FRMD4A: variants seen among roughly 807,000 people sequenced by gnomAD.
FRMD4A encodes the protein FERM domain-containing protein 4A.
In FRMD4A, 29 loss-of-function variants were observed where a neutral mutation model predicts 129.1. That is an observed-to-expected ratio of 0.22 (90% CI 0.17 to 0.31). The LOEUF (loss-of-function observed/expected upper bound fraction) is 0.31, where lower values mean the gene tolerates loss of function less well. Among genes scored for constraint, FRMD4A ranks in the 10% least tolerant of loss-of-function variants. FRMD4A has a pLI of 1.00. For missense variants in FRMD4A, 1,272 were observed against 1,375.8 expected (o/e 0.92, Z 1.19); for synonymous variants, 634 against 571.6 (o/e 1.11, Z -1.56).
At chr10:13,679,976 C>T (rs2084394563) in intron 15 of FRMD4A, among the ~76,000 whole-genome samples, 1 of 152,152 alleles carries the variant, frequency 6.6e-6, no homozygotes, top group African/African-American at 2.4e-5. Flanking sequence ...CCACAAATGC[C>T]CACTAGGCAT....
intron 2 of FRMD4A, among the ~76,000 whole-genome samples, chr10:14,287,063 G>C (rs151141723): frequency 6.6e-6 from 1 of 152,224 alleles, no homozygotes; most frequent in African/African-American, 2.4e-5. Flanking sequence ...TGCAAAGCAG[G>C]CAAAGTCTAT....
chr10:13,847,179 C>T (rs1049323959), intron 3 of FRMD4A, among the ~76,000 whole-genome samples: 9 of 152,254 alleles, frequency 5.9e-5, no homozygotes, highest in South Asian at 2.1e-4. Context: ...TGATGGGCTT[C>T]GGTTGCCATG....
At chr10:13,883,696 C>T (rs1295113174) in intron 2 of FRMD4A, among the ~76,000 whole-genome samples, 1 of 152,168 alleles carries the variant, frequency 6.6e-6, no homozygotes, top group Non-Finnish European at 1.5e-5. Context: ...GCCATATTTT[C>T]CACAATAAAG....
intron 2 of FRMD4A, among the ~76,000 whole-genome samples, chr10:14,014,936 C>A (rs1284779650): frequency 7.0e-6 from 1 of 142,862 alleles, no homozygotes; most frequent in Admixed American, 7.0e-5. Context: ...TTACTTCTTC[C>A]TTTCTTCTTC....
At chr10:14,226,372 A>C (rs753760339) in intron 2 of FRMD4A, among the ~76,000 whole-genome samples, 9 of 152,200 alleles carry the variant, frequency 5.9e-5, no homozygotes, top group Non-Finnish European at 1.0e-4. Context: ...CAAAGTTGAC[A>C]TGTTAAAAAT....
intron 2 of FRMD4A, among the ~76,000 whole-genome samples, chr10:13,898,595 A>T (rs1464113540): frequency 6.6e-6 from 1 of 152,224 alleles, no homozygotes; most frequent in Non-Finnish European, 1.5e-5. Context: ...CCAGGTTCTT[A>T]ACTCTAGGAT....
intron 16 of FRMD4A, among the ~76,000 whole-genome samples, chr10:13,674,403 G>A (rs1476779363): frequency 6.6e-6 from 1 of 152,138 alleles, no homozygotes; most frequent in African/African-American, 2.4e-5. Context: ...TTGTCGCTTG[G>A]ACTCCCATGG....
intron 2 of FRMD4A, among the ~76,000 whole-genome samples, chr10:13,914,147 G>A (rs1382948383): frequency 6.6e-6 from 1 of 152,244 alleles, no homozygotes; most frequent in Non-Finnish European, 1.5e-5. Flanking sequence ...AGGGATGCAT[G>A]TTGGCCTAAT....
intron 2 of FRMD4A, among the ~76,000 whole-genome samples, chr10:14,180,498 C>T (rs1428006411): frequency 6.6e-6 from 1 of 152,104 alleles, no homozygotes; most frequent in East Asian, 1.9e-4. Context: ...AACAGAAGAC[C>T]CAACCTCCAT....
intron 2 of FRMD4A, among the ~76,000 whole-genome samples, chr10:13,962,606 C>A (rs2095453025): frequency 1.3e-5 from 2 of 152,112 alleles, no homozygotes; most frequent in South Asian, 4.1e-4. Flanking sequence ...ACAAGAGACT[C>A]CCAAACAAAT....
At chr10:13,975,772 C>T (rs1262533392) in intron 2 of FRMD4A, among the ~76,000 whole-genome samples, 1 of 149,634 alleles carries the variant, frequency 6.7e-6, no homozygotes, top group Non-Finnish European at 1.5e-5. Context: ...TGTGTGTGTA[C>T]ACACCTTCAT....
intron 2 of FRMD4A, among the ~76,000 whole-genome samples, chr10:14,189,767 C>T (rs1159366171): frequency 6.6e-6 from 1 of 152,116 alleles, no homozygotes; most frequent in Non-Finnish European, 1.5e-5. Context: ...CTTCTGACTG[C>T]CACTGAAAAA....
Position 13,656,584 on chromosome 10 carries a change from C to A in FRMD4A, c.2953+52G>T, listed in dbSNP as rs558385796. ...TCCCCGCGGTAGCCCTTGACACCGG[C>A]AAGCAGTTCGCCCTCAGGTCTTCCC... On this transcript the variant is annotated intron_variant, in intron 22 of 24. Coordinates refer to ENST00000357447, the MANE Select transcript of FRMD4A (RefSeq NM_018027.5). The A allele has an allele frequency of 1.0e-4, 135 of 1,341,348 alleles. 2 individuals are homozygous for A. The South Asian group carries it at 2.6e-3, about 26-fold the overall frequency. The allele number at this position is 1,341,348 out of a possible 1,614,324, so 83.1% of individuals were successfully genotyped here.
chr10:14,192,077 C>A (rs979419630), intron 2 of FRMD4A, among the ~76,000 whole-genome samples: 1 of 152,192 alleles, frequency 6.6e-6, no homozygotes, highest in African/African-American at 2.4e-5. Context: ...TGAGCCCCAG[C>A]CAAAGGTGCA....
intron 12 of FRMD4A, among the ~76,000 whole-genome samples, chr10:13,712,653 A>G (rs184953780): frequency 6.6e-6 from 1 of 152,220 alleles, no homozygotes; most frequent in East Asian, 1.9e-4. Context: ...CTGATACTGG[A>G]TGTGGATTCT....
At chr10:13,960,912 A>G (rs1458633587) in intron 2 of FRMD4A, among the ~76,000 whole-genome samples, 1 of 152,212 alleles carries the variant, frequency 6.6e-6, no homozygotes, top group Non-Finnish European at 1.5e-5. Context: ...TCACAAGATG[A>G]CATCGAATGA....
At chr10:13,701,285 T>A in intron 14 of FRMD4A, 55 bp downstream of exon 14, 1 of 1,560,858 alleles carries the variant, frequency 6.4e-7, no homozygotes, top group South Asian at 1.2e-5. Flanking sequence ...TCCTCATTCC[T>A]AAACTAAGAG....
chr10:14,260,326 C>G (rs1418120496), intron 2 of FRMD4A, among the ~76,000 whole-genome samples: 2 of 152,092 alleles, frequency 1.3e-5, no homozygotes, highest in East Asian at 3.9e-4. Flanking sequence ...GTTTTAGTTC[C>G]CACAAGCAAA....
chr10:13,999,386 T>A (rs1331528595), intron 2 of FRMD4A, among the ~76,000 whole-genome samples: 1 of 152,130 alleles, frequency 6.6e-6, no homozygotes, highest in African/African-American at 2.4e-5. Flanking sequence ...AAATGTTAGG[T>A]CCTAGGTATT....
Sources: gnomAD v4.1 joint callset for allele counts (sites outside exome capture counted in the v4.1 genomes callset) on GRCh38, gnomAD v4.1.1 for gene constraint, MANE v1.5 for transcripts, NCBI Gene and HGNC (gene_info 2026-07-23, HGNC 2026-07-21) for gene names.